The following CRPPA variants were observed in gnomAD, a reference collection of about 807,000 sequenced individuals.
CRPPA encodes the protein D-ribitol-5-phosphate cytidylyltransferase.
Under a neutral mutation model 52.0 loss-of-function variants are expected in CRPPA, and 43 were observed. The ratio of observed to expected loss-of-function variants is 0.83; its 90% confidence interval spans 0.65 to 1.07. The LOEUF is 1.07. CRPPA is among the 50% of genes least tolerant of loss of function. The probability of loss-of-function intolerance (pLI) is 0.00; values close to 1 mark genes in which losing one functional copy is unlikely to be tolerated. For missense variants in CRPPA, 629 were observed against 551.7 expected, an observed-to-expected ratio of 1.14 and a Z score of -1.40; for synonymous variants, 250 against 203.5, an observed-to-expected ratio of 1.23 and a Z score of -1.94.
chr7:16,389,097 G>A (rs1787371425), intron 2 of CRPPA, among the ~76,000 whole-genome samples: 1 of 152,070 alleles, frequency 6.6e-6, no homozygotes, highest in African/African-American at 2.4e-5. Flanking sequence ...CCTATAAAAA[G>A]GGAATTGAAT....
At chr7:16,303,289 T>A (rs1299793653) in intron 4 of CRPPA, among the ~76,000 whole-genome samples, 2 of 152,022 alleles carry the variant, frequency 1.3e-5, no homozygotes, top group African/African-American at 2.4e-5. Flanking sequence ...AGCAGAGGAA[T>A]CTAATTTGGA....
At chr7:16,154,277 TTACAGAGGTA>T (rs1296767864) in intron 9 of CRPPA, among the ~76,000 whole-genome samples, 2 of 152,094 alleles carry the variant, frequency 1.3e-5, no homozygotes, top group African/African-American at 4.8e-5. Context: ...TGCAGGTTTG[TTACAGAGGTA>T]TACGTGTGCC....
At chr7:16,270,906 G>C (rs762536811) in intron 6 of CRPPA, among the ~76,000 whole-genome samples, 1 of 151,920 alleles carries the variant, frequency 6.6e-6, no homozygotes, top group Non-Finnish European at 1.5e-5. Context: ...TGCTAGTTTT[G>C]ATGTGTTGTT....
At chr7:16,222,571 T>C (rs995967322) in intron 8 of CRPPA, among the ~76,000 whole-genome samples, 1 of 152,146 alleles carries the variant, frequency 6.6e-6, no homozygotes, top group South Asian at 2.1e-4. Flanking sequence ...CTGGGTGAGA[T>C]AGAAATACAG....
Position 16,421,506 on chromosome 7 carries a change from G to C in CRPPA, c.-184C>G, listed in dbSNP as rs560613332. ...TTGCTGCCCCGCAGGGGACGATCCC[G>C]ACAGCTACGGCAGCAGCTGAGGCTG... On this transcript the variant is annotated 5_prime_UTR_variant, in exon 1 of 10. Coordinates refer to ENST00000407010, the MANE Select transcript of CRPPA (RefSeq NM_001101426.4). 1.3e-5 allele frequency among the ~76,000 whole-genome samples: 2 copies of C among 152,294 alleles called. No homozygotes were observed. The highest frequency in any genetic ancestry group is 3.9e-4 in the East Asian group (2 of 5,138).
chr7:16,208,493 C>A (rs1362289620), intron 9 of CRPPA, among the ~76,000 whole-genome samples: 1 of 152,102 alleles, frequency 6.6e-6, no homozygotes, highest in East Asian at 1.9e-4. Context: ...AATTTTCTCA[C>A]TTCATAAAGA....
At chr7:16,342,782 A>AAAAAAAAAAAT (rs1554335212) in intron 3 of CRPPA, among the ~76,000 whole-genome samples, 1 of 76,542 alleles carries the variant, frequency 1.3e-5, no homozygotes, top group Non-Finnish European at 2.8e-5. Flanking sequence ...AAAAAAAAAA[A>AAAAAAAAAAAT]ATATATATAT....
At chr7:16,421,016 C>T (rs1161095268) in intron 1 of CRPPA, 50 bp downstream of exon 1, 4 of 1,258,412 alleles carry the variant, frequency 3.2e-6, no homozygotes, top group East Asian at 3.2e-5. Context: ...GGGCGGGGAG[C>T]GGGAGGCCGG....
At position 16,091,824 on chromosome 7, in the gene CRPPA, A is replaced by C. The variant is rs373921355; in HGVS notation, c.1252-25T>G. 644 of 1,327,228 alleles carry C rather than the reference A, an allele frequency of 4.9e-4. 6 individuals carry two copies. The South Asian group carries it at 9.0e-3, about 19-fold the overall frequency. The allele number at this position is 1,327,228 out of a possible 1,614,324, so 82.2% of individuals were successfully genotyped here. A position where few individuals can be genotyped will look rare whatever the true frequency, so the allele number is the denominator to read the frequency against. On this transcript the variant is annotated intron_variant, in intron 9 of 9. Transcript: ENST00000407010. ...CCTGAAAAGAAAGGATAAACCAGTA[A>C]TATTTTAGAAAAAACATATGCCATG... is the stretch of plus-strand genomic sequence containing the variant.
intron 9 of CRPPA, among the ~76,000 whole-genome samples, chr7:16,100,382 G>A (rs565873595): frequency 8.3e-4 from 127 of 152,116 alleles, no homozygotes; most frequent in African/African-American, 2.6e-3. Flanking sequence ...CAGCTAAATC[G>A]TAAGATACTA....
intron 5 of CRPPA, among the ~76,000 whole-genome samples, chr7:16,290,415 T>C (rs1433305294): frequency 2.6e-5 from 4 of 151,916 alleles, no homozygotes; most frequent in South Asian, 4.2e-4. Context: ...ACCAAAGCTA[T>C]AGTAACCAAA....
At chr7:16,099,139 G>T (rs1287889376) in intron 9 of CRPPA, among the ~76,000 whole-genome samples, 1 of 151,930 alleles carries the variant, frequency 6.6e-6, no homozygotes, top group African/African-American at 2.4e-5. Flanking sequence ...TGTAGTTCCT[G>T]CTACGAAGGT....
Position 16,233,662 on chromosome 7 carries a change from A to G in CRPPA, c.1120-17465T>C, listed in dbSNP as rs141160480. On this transcript the variant is annotated intron_variant, in intron 8 of 9. Coordinates refer to ENST00000407010, the MANE Select transcript of CRPPA (RefSeq NM_001101426.4). ...TCTCAGCACATGGATGCTGAGCTCAATTAAATGGCCAGCCAGAGCAAGGGA... is the reference window on the plus strand; with the variant it reads ...TCTCAGCACATGGATGCTGAGCTCAGTTAAATGGCCAGCCAGAGCAAGGGA... Among the ~76,000 whole-genome samples the G allele has an allele frequency of 2.9e-3, 447 of 152,278 alleles. 3 individuals are homozygous for G. The highest frequency in any genetic ancestry group is 0.01 in the African/African-American group (428 of 41,564).
At chr7:16,162,632 G>T (rs1034433385) in intron 9 of CRPPA, among the ~76,000 whole-genome samples, 1 of 152,182 alleles carries the variant, frequency 6.6e-6, no homozygotes, top group Non-Finnish European at 1.5e-5. Context: ...GTGATGTGGT[G>T]CTGAGAAGAA....
At position 16,420,184 on chromosome 7, in the gene CRPPA, C is replaced by A. The variant is rs1788292131; in HGVS notation, c.257+882G>T. 1.3e-5 allele frequency among the ~76,000 whole-genome samples: 2 copies of A among 152,176 alleles called. 1 individual carries two copies. The highest frequency in any genetic ancestry group is 4.1e-4 in the South Asian group (2 of 4,834). Reference sequence around the variant, plus strand: ...GGCAATGTATGCTAAAGGATGACATCTATCTGGAAATGCAAACGGTTCGCA... The same window carrying A: ...GGCAATGTATGCTAAAGGATGACATATATCTGGAAATGCAAACGGTTCGCA... On this transcript the variant is annotated intron_variant, in intron 1 of 9. Transcript: ENST00000407010.
At chr7:16,354,694 T>C (rs1786251089) in intron 3 of CRPPA, among the ~76,000 whole-genome samples, 1 of 152,136 alleles carries the variant, frequency 6.6e-6, no homozygotes, top group Non-Finnish European at 1.5e-5. Context: ...AAGACAACTG[T>C]GGCTAAGAAA....
At chr7:16,410,309 C>T (rs1185315975) in intron 1 of CRPPA, among the ~76,000 whole-genome samples, 5 of 152,264 alleles carry the variant, frequency 3.3e-5, no homozygotes, top group African/African-American at 7.2e-5. Flanking sequence ...TAAGACTAAA[C>T]GTGGGTTGTT....
At chr7:16,413,098 C>G (rs573381060) in intron 1 of CRPPA, among the ~76,000 whole-genome samples, 1 of 152,258 alleles carries the variant, frequency 6.6e-6, no homozygotes, top group East Asian at 1.9e-4. Context: ...CCATGGCAGC[C>G]TTCACGGAAA....
chr7:16,298,151 G>A (rs1784712920), intron 5 of CRPPA, among the ~76,000 whole-genome samples: 1 of 152,134 alleles, frequency 6.6e-6, no homozygotes, highest in Admixed American at 6.5e-5. Flanking sequence ...GTAAACTCAG[G>A]TGAGCAAACA....
Sources: allele counts gnomAD v4.1 joint callset (sites outside exome capture counted in the v4.1 genomes callset), GRCh38; gene constraint gnomAD v4.1.1; transcripts MANE v1.5; gene names NCBI Gene and HGNC (gene_info 2026-07-23, HGNC 2026-07-21).